The following PFKFB2 variants were observed in gnomAD, a reference collection of about 807,000 sequenced individuals.
PFKFB2 encodes the protein 6-phosphofructo-2-kinase/fructose-2,6-bisphosphatase 2.
A neutral mutation model predicts 68.0 loss-of-function variants in PFKFB2; 53 were observed. The observed-to-expected ratio is 0.78, with a 90% CI of 0.63 to 0.98. The LOEUF (loss-of-function observed/expected upper bound fraction) is 0.98. PFKFB2 is among the 50% of genes least tolerant of loss of function. The pLI is 0.00. For missense variants in PFKFB2, 451 were observed against 642.0 expected, an observed-to-expected ratio of 0.70 and a Z score of 3.22; for synonymous variants, 222 against 227.6, an observed-to-expected ratio of 0.98 and a Z score of 0.22.
chr1:207,058,244 C>G lies in PFKFB2; in HGVS notation c.85+3442C>G, dbSNP rs1283102086. ...CTTCTGATGAATAAAGATAAAATGT[C>G]ACTAATGAAACATGCTTTATGGGCA... On this transcript the variant is annotated intron_variant, in intron 2 of 14. Coordinates refer to ENST00000367080, the MANE Select transcript of PFKFB2 (RefSeq NM_006212.2). 2.0e-5 allele frequency among the ~76,000 whole-genome samples: 3 copies of G among 152,312 alleles called. No individual in the cohort carries two copies. In the East Asian group the frequency reaches 5.8e-4, roughly 29 times the overall value.
chr1:207,050,570 T>G, upstream of PFKFB2: 3 of 1,360,558 alleles, frequency 2.2e-6, no homozygotes, highest in South Asian at 2.6e-5. Context: ...TCCTCGCCCC[T>G]GGCCTCAAAG....
chr1:207,059,896 C>T (rs960497803), intron 2 of PFKFB2, among the ~76,000 whole-genome samples: 9 of 152,216 alleles, frequency 5.9e-5, no homozygotes, highest in Admixed American at 1.3e-4. Context: ...CTTACAAGGT[C>T]CCTTAGTACC....
Position 207,077,146 on chromosome 1 carries a change from CA to C in PFKFB2, c.*4776del. 1.0e-6 allele frequency: 1 copy of C among 985,046 alleles called. No individual in the cohort carries two copies. The highest frequency in any genetic ancestry group is 1.2e-6 in the Non-Finnish European group (1 of 829,660). The allele number at this position is 985,046 out of a possible 1,614,324, so 61.0% of individuals were successfully genotyped here. On this transcript the variant is annotated 3_prime_UTR_variant, in exon 15 of 15. Coordinates refer to ENST00000367080, the MANE Select transcript of PFKFB2 (RefSeq NM_006212.2). Reference sequence around the variant, plus strand: ...TACCTTTACTTGAAGTCATCTCATCCAGTCCCCTGCTTTAGGGCAGGACTTC... The same window carrying C: ...TACCTTTACTTGAAGTCATCTCATCCGTCCCCTGCTTTAGGGCAGGACTTC...
chr1:207,059,511 G>A (rs1683024142), intron 2 of PFKFB2, among the ~76,000 whole-genome samples: 1 of 152,144 alleles, frequency 6.6e-6, no homozygotes, highest in Non-Finnish European at 1.5e-5. Context: ...TGCCAGCTGA[G>A]GCTTCAGGGT....
rs1388237870 is a variant in PFKFB2 at position 207,072,208 on chromosome 1, A to G, written c.1355A>G (p.Asn452Ser). ...VNTHRDKPTN[N>S]FPKNQTPVRM... ...TGTCACTCCATTTCCAATCAGAACA[A>G]CTTCCCCAAGAACCAAACCCCTGTA... The change falls in exon 15 of 15, where the codon AAC (asparagine) becomes AGC (serine). Residue 452 changes from asparagine to serine, a missense_variant. By Grantham distance (46) the Asn-to-Ser change is conservative. Coordinates refer to ENST00000367080, the MANE Select transcript of PFKFB2 (RefSeq NM_006212.2). The G allele has an allele frequency of 6.2e-7, 1 of 1,613,502 alleles. No homozygotes were observed. The highest frequency in any genetic ancestry group is 1.7e-5 in the Admixed American group (1 of 59,870).
At chr1:207,044,464 C>G (rs1321642567) in intron 2 of PFKFB2, 1 of 152,500 alleles carries the variant, frequency 6.6e-6, no homozygotes, top group East Asian at 1.9e-4. Context: ...AAAGTAGACT[C>G]ATGTAATCAT....
chr1:207,065,188 G>A, intron 8 of PFKFB2, 28 bp downstream of exon 8: 1 of 1,611,518 alleles, frequency 6.2e-7, no homozygotes, highest in Non-Finnish European at 8.5e-7. Context: ...GGTTTGAAGG[G>A]CCCAAGGCAA....
At chr1:207,078,886 T>C (rs973934390), downstream of PFKFB2, 1 of 1,334,294 alleles carries the variant, frequency 7.5e-7, no homozygotes, top group African/African-American at 1.4e-5. Context: ...AAGGATTCTG[T>C]TCTACTTTTA....
chr1:207,070,257 G>T lies in PFKFB2; in HGVS notation c.1093-23G>T. ...CCAGCTTGCACCTGGGCTCCTGCCAGCCTGCCCCATTTCCCTCCACAGTCA... is the reference window on the plus strand; with the variant it reads ...CCAGCTTGCACCTGGGCTCCTGCCATCCTGCCCCATTTCCCTCCACAGTCA... On this transcript the variant is annotated intron_variant, in intron 11 of 14. Transcript: ENST00000367080. The surrounding 1 kb of genome is among the most constrained non-coding windows in gnomAD (Gnocchi z 4.2). 1 of 1,611,964 alleles carries T rather than the reference G, an allele frequency of 6.2e-7. No individual in the cohort carries two copies. The highest frequency in any genetic ancestry group is 8.5e-7 in the Non-Finnish European group (1 of 1,179,644).
At position 207,063,058 on chromosome 1, in the gene PFKFB2, G is replaced by A. The variant is rs891983235; in HGVS notation, c.309-85G>A. 3 of 1,123,422 alleles carry A rather than the reference G, an allele frequency of 2.7e-6. No individual in the cohort carries two copies. The African/African-American group carries it at 4.6e-5, about 17-fold the overall frequency. The allele number at this position is 1,123,422 out of a possible 1,614,324, so 69.6% of individuals were successfully genotyped here. A position where few individuals can be genotyped will look rare whatever the true frequency, so the allele number is the denominator to read the frequency against. ...AGTGGGAAACTAAGTGGGCAGGGAT[G>A]TGACTTCTGTAGCCACCCGAATGTT... is the stretch of plus-strand genomic sequence containing the variant. On this transcript the variant is annotated intron_variant, in intron 4 of 14. Transcript: ENST00000367080. The surrounding 1 kb of genome is among the most constrained non-coding windows in gnomAD (Gnocchi z 4.1).
intron 2 of PFKFB2, among the ~76,000 whole-genome samples, chr1:207,057,465 G>A (rs1213565441): frequency 6.6e-6 from 1 of 150,512 alleles, no homozygotes; most frequent in African/African-American, 2.5e-5. Context: ...GTGACAAAGT[G>A]AGACTCCATC....
chr1:207,061,303 G>T (rs910834341), intron 2 of PFKFB2, among the ~76,000 whole-genome samples: 8 of 148,542 alleles, frequency 5.4e-5, no homozygotes, highest in Non-Finnish European at 1.2e-4. Flanking sequence ...GGGATTACAG[G>T]CATGAGCTGT....
rs1329218939 is a variant in PFKFB2 at position 207,075,943 on chromosome 1, G to C, written c.*3572G>C. ...TATTGTTGTTTTGTTTTGGTAAAGG[G>C]ATGATTTTTACATTGAGTTTTAAAG... is the stretch of plus-strand genomic sequence containing the variant. On this transcript the variant is annotated 3_prime_UTR_variant, in exon 15 of 15. Coordinates refer to ENST00000367080, the MANE Select transcript of PFKFB2 (RefSeq NM_006212.2). 1 of 985,130 alleles carries C rather than the reference G, an allele frequency of 1.0e-6. No individual in the cohort carries two copies. Among genetic ancestry groups the C allele is most frequent in the South Asian group, 4.7e-5 (1 of 21,282 alleles). The allele number at this position is 985,130 out of a possible 1,614,324, so 61.0% of individuals were successfully genotyped here.
At chr1:207,050,692 T>C (rs757983702), upstream of PFKFB2, 10 of 1,612,958 alleles carry the variant, frequency 6.2e-6, no homozygotes, top group Admixed American at 3.3e-5. Flanking sequence ...CCTTACCAGA[T>C]TGGATGGGCA....
intron 3 of PFKFB2, 41 bp from the exon 4 acceptor site, chr1:207,062,579 C>G: frequency 6.2e-7 from 1 of 1,602,526 alleles, no homozygotes; most frequent in Admixed American, 1.7e-5. Flanking sequence ...GTGGGGCCAT[C>G]ATATTATTTT....
intron 14 of PFKFB2, 120 bp downstream of exon 14, chr1:207,071,693 G>T (rs1401807405): frequency 2.7e-6 from 2 of 728,802 alleles, no homozygotes; most frequent in South Asian, 3.4e-5. Flanking sequence ...CAGAACTTAC[G>T]TCCAAATGTA....
chr1:207,048,092 G>GA (rs947591304), intron 2 of PFKFB2: 1 of 152,398 alleles, frequency 6.6e-6, no homozygotes, highest in Non-Finnish European at 1.5e-5. Flanking sequence ...CGCAAATGAA[G>GA]AAAAAACTGA....
rs1001799073 is a variant in PFKFB2, at chr1:207,063,632, G to A, written c.451-141G>A. ...TTGAGGCCCAGGGGCTGTGGTAAGA[G>A]CTATGAGGAGGACTTGAGGGCCACT... On this transcript the variant is annotated intron_variant, in intron 6 of 14. Coordinates refer to ENST00000367080, the MANE Select transcript of PFKFB2 (RefSeq NM_006212.2). The surrounding 1 kb of genome is among the most constrained non-coding windows in gnomAD (Gnocchi z 4.1). 4 of 805,528 alleles carry A rather than the reference G, an allele frequency of 5.0e-6. No individual in the cohort carries two copies. In the African/African-American group the frequency reaches 6.7e-5, roughly 13 times the overall value. 49.9% of individuals were successfully genotyped at this position (805,528 alleles called of 1,614,324 possible).
Position 207,072,236 on chromosome 1 carries a change from G to C in PFKFB2, c.1383G>C (p.Arg461Ser). ...NNFPKNQTPV[R>S]MRRNSFTPLS... ...TCCCCAAGAACCAAACCCCTGTAAG[G>C]ATGAGAAGGAACAGCTTTACGCCTC... is the stretch of plus-strand genomic sequence containing the variant. Residue 461 changes from arginine to serine, a missense_variant, in exon 15 of 15, where the codon AGG becomes AGC. Physicochemically the swap from Arg to Ser is moderately radical, Grantham distance 110. Coordinates refer to ENST00000367080, the MANE Select transcript of PFKFB2 (RefSeq NM_006212.2). 6.2e-7 allele frequency: 1 copy of C among 1,614,152 alleles called. No individual in the cohort carries two copies. Among genetic ancestry groups the C allele is most frequent in the Non-Finnish European group, 8.5e-7 (1 of 1,180,022 alleles).
Sources: allele counts gnomAD v4.1 joint callset (sites outside exome capture counted in the v4.1 genomes callset), GRCh38; gene constraint gnomAD v4.1.1; non-coding constraint Gnocchi (gnomAD v3.1); transcripts MANE v1.5; gene names NCBI Gene and HGNC (gene_info 2026-07-23, HGNC 2026-07-21).